Variants in IPO11 observed in about 807,000 individuals in gnomAD.
The protein encoded by IPO11 is importin-11.
IPO11 carries 66 observed loss-of-function variants against 143.2 expected under a neutral mutation model. The ratio of observed to expected loss-of-function variants is 0.46; its 90% CI spans 0.38 to 0.57. The LOEUF (loss-of-function observed/expected upper bound fraction) is 0.57. IPO11 is among the 20% of genes least tolerant of loss of function. The probability of loss-of-function intolerance (pLI) is 0.00; values close to 1 mark genes in which losing one functional copy is unlikely to be tolerated. For synonymous variants in IPO11, 385 were observed against 377.8 expected (o/e 1.02, Z -0.22); for missense variants, 1,026 against 1,141.0 (o/e 0.90, Z 1.45).
Position 62,484,134 on chromosome 5 carries a change from A to G in IPO11, c.1146A>G (p.Thr382=), listed in dbSNP as rs1746311158. 6.2e-7 allele frequency: 1 copy of G among 1,605,574 alleles called. No individual in the cohort carries two copies. Among genetic ancestry groups the G allele is most frequent in the Non-Finnish European group, 8.5e-7 (1 of 1,177,810 alleles). Residue 382 remains threonine, a synonymous_variant, in exon 11 of 30, where the codon ACA becomes ACG. Coordinates refer to ENST00000325324, the MANE Select transcript of IPO11 (RefSeq NM_016338.5). ...TCCTATTAACTGAAGAAGAACTGAC[A>G]ATGTGGGAAGAAGACCCAGAAGGCT... ...HYFLLTEEEL[T]MWEEDPEGFT...
Position 62,435,214 on chromosome 5 carries a change from A to ATATATGTATATATATGTGTG in IPO11, c.-6-2055_-6-2054insGTATATATATGTGTGTATAT, listed in dbSNP as rs1554047246. On this transcript the variant is annotated intron_variant, in intron 1 of 29. Transcript: ENST00000325324. ...TGTATATATATGTATATATATGTGT[A>ATATATGTATATATATGTGTG]TATATATATATATCAGAGCAGCTGT... Among the ~76,000 whole-genome samples the ATATATGTATATATATGTGTG allele has an allele frequency of 1.3e-3, 164 of 121,976 alleles. 8 individuals are homozygous for ATATATGTATATATATGTGTG. The highest frequency in any genetic ancestry group is 3.4e-3 in the East Asian group (14 of 4,096). The allele number at this position is 121,976 out of a possible 152,430, so 80.0% of individuals were successfully genotyped here. A position where few individuals can be genotyped will look rare whatever the true frequency, so the allele number is the denominator to read the frequency against.
chr5:62,415,963 C>G (rs1743282409), intron 1 of IPO11, among the ~76,000 whole-genome samples: 1 of 152,096 alleles, frequency 6.6e-6, no homozygotes, highest in Admixed American at 6.6e-5. Flanking sequence ...AGGGCCGCCA[C>G]AACAAAATAC....
intron 29 of IPO11, among the ~76,000 whole-genome samples, chr5:62,626,218 C>T (rs892119954): frequency 1.1e-4 from 17 of 151,986 alleles, no homozygotes; most frequent in Non-Finnish European, 1.5e-4. Context: ...TCAGTAGAGA[C>T]GGGGTTTCAC....
intron 16 of IPO11, among the ~76,000 whole-genome samples, chr5:62,497,890 C>G (rs935663974): frequency 1.3e-5 from 2 of 152,216 alleles, no homozygotes; most frequent in African/African-American, 4.8e-5. Flanking sequence ...CAGTGATTCA[C>G]TGAATAATAC....
intron 24 of IPO11, among the ~76,000 whole-genome samples, chr5:62,538,633 T>C (rs996712703): frequency 6.6e-6 from 1 of 152,222 alleles, no homozygotes; most frequent in African/African-American, 2.4e-5. Flanking sequence ...TATGCTGAAC[T>C]GTGACTCAAT....
Position 62,467,208 on chromosome 5 carries a change from T to A in IPO11, c.594T>A (p.Ser198=). The A allele has an allele frequency of 6.2e-7, 1 of 1,614,106 alleles. No homozygotes were observed. Residue 198 remains serine, a synonymous_variant, in exon 6 of 30, where the codon TCT becomes TCA. Coordinates refer to ENST00000325324, the MANE Select transcript of IPO11 (RefSeq NM_016338.5). ...ACACATTCCTGCAAGAAGTTTCTTC[T>A]GGCAATGAAGCTGCAATTTTGAGTT... ...HTDTFLQEVS[S]GNEAAILSSL... is the part of the protein sequence containing the mutation.
chr5:62,598,866 G>A (rs902413594), intron 28 of IPO11, among the ~76,000 whole-genome samples: 2 of 151,586 alleles, frequency 1.3e-5, no homozygotes, highest in Admixed American at 6.6e-5. Flanking sequence ...TCTTATATCA[G>A]CCTAGCTGAA....
chr5:62,526,115 T>G, intron 20 of IPO11, 27 bp from the exon 21 acceptor site: 1 of 1,469,740 alleles, frequency 6.8e-7, no homozygotes, highest in Non-Finnish European at 9.5e-7. Flanking sequence ...AGTGTCTTAT[T>G]ATAAGTTTTA....
chr5:62,559,916 CAAAA>C (rs759468696), intron 26 of IPO11, among the ~76,000 whole-genome samples: 7 of 17,026 alleles, frequency 4.1e-4, no homozygotes, highest in South Asian at 5.1e-3. Context: ...AACTCTGTCT[CAAAA>C]AAAAAAAAAA....
chr5:62,537,685 G>A lies in IPO11; in HGVS notation c.2250+396G>A, dbSNP rs187494027. Among the ~76,000 whole-genome samples the A allele has an allele frequency of 5.1e-3, 779 of 152,138 alleles. 12 individuals carry two copies. In the Middle Eastern group the frequency reaches 0.058, roughly 11 times the overall value. ...TCTGCTGTTGGGACAAAGTTTTCAC[G>A]TTATAATTTGATAGCTTTAATTTAA... On this transcript the variant is annotated intron_variant, in intron 24 of 29. Coordinates refer to ENST00000325324, the MANE Select transcript of IPO11 (RefSeq NM_016338.5).
intron 27 of IPO11, among the ~76,000 whole-genome samples, chr5:62,575,218 A>T (rs185957745): frequency 3.1e-4 from 47 of 152,336 alleles, no homozygotes; most frequent in Middle Eastern, 6.8e-3. Flanking sequence ...ACTTAGAAAA[A>T]CACTGCAAGA....
chr5:62,504,945 C>A, intron 18 of IPO11, 47 bp downstream of exon 18: 2 of 1,125,094 alleles, frequency 1.8e-6, no homozygotes, highest in South Asian at 1.5e-5. Context: ...ACAATTTCTG[C>A]TTATGTCTTT....
At chr5:62,478,316 C>T (rs1476111316) in intron 9 of IPO11, among the ~76,000 whole-genome samples, 2 of 152,162 alleles carry the variant, frequency 1.3e-5, no homozygotes, top group Middle Eastern at 3.4e-3. Flanking sequence ...GAGGCACATG[C>T]CACCACGCCC....
intron 28 of IPO11, among the ~76,000 whole-genome samples, chr5:62,595,140 T>C (rs1422544607): frequency 6.6e-6 from 1 of 152,144 alleles, no homozygotes; most frequent in African/African-American, 2.4e-5. Context: ...TTATTCAGAA[T>C]CTTTGGGGGT....
At chr5:62,598,531 CTTTCT>C (rs1244556116) in intron 28 of IPO11, among the ~76,000 whole-genome samples, 4 of 10,746 alleles carry the variant, frequency 3.7e-4, no homozygotes, top group African/African-American at 2.3e-3. Flanking sequence ...TCTTTCTTTT[CTTTCT>C]TTTCTTTCTT....
chr5:62,417,463 C>G (rs187472520), intron 1 of IPO11, among the ~76,000 whole-genome samples: 4 of 149,978 alleles, frequency 2.7e-5, no homozygotes, highest in Non-Finnish European at 5.9e-5. Flanking sequence ...GCCATTTTAA[C>G]TACTTGTTCG....
At chr5:62,450,887 A>G (rs1744900421) in intron 4 of IPO11, among the ~76,000 whole-genome samples, 1 of 152,130 alleles carries the variant, frequency 6.6e-6, no homozygotes, top group Admixed American at 6.6e-5. Flanking sequence ...TGATTTTTTA[A>G]ATTGAGCTAT....
chr5:62,456,024 C>A (rs887877037), intron 5 of IPO11, among the ~76,000 whole-genome samples: 2 of 152,052 alleles, frequency 1.3e-5, no homozygotes, highest in Admixed American at 1.3e-4. Context: ...TGTGCCTGGC[C>A]AGGAATTCAT....
chr5:62,505,669 A>G (rs960403805), intron 18 of IPO11, among the ~76,000 whole-genome samples: 3 of 152,114 alleles, frequency 2.0e-5, no homozygotes, highest in Non-Finnish European at 4.4e-5. Flanking sequence ...AATTTTCATA[A>G]TATAAGAGTT....
Sources: gnomAD v4.1 joint callset for allele counts (sites outside exome capture counted in the v4.1 genomes callset) on GRCh38, gnomAD v4.1.1 for gene constraint, MANE v1.5 for transcripts, NCBI Gene and HGNC (gene_info 2026-07-23, HGNC 2026-07-21) for gene names.